Variants in GSDMC observed in about 807,000 individuals in gnomAD.
GSDMC encodes gasdermin C.
GSDMC carries 59 observed loss-of-function variants against 58.0 expected under a neutral mutation model. That is an observed-to-expected ratio of 1.02 (90% CI 0.82 to 1.26). The LOEUF is 1.26. Among genes scored for constraint, GSDMC ranks in the 50% most tolerant of loss-of-function variants. GSDMC has a pLI of 0.00. For synonymous variants in GSDMC, 241 were observed against 220.2 expected, an observed-to-expected ratio of 1.09 and a Z score of -0.83; for missense variants, 659 against 598.5, an observed-to-expected ratio of 1.10 and a Z score of -1.06.
At chr8:129,738,307 G>A in the GSDMC span, among the ~76,000 whole-genome samples, 1 of 152,036 alleles carries the variant, frequency 6.6e-6, no homozygotes, top group African/African-American at 2.4e-5. Context: ...CCCATTACTG[G>A]GTATATACCC....
At chr8:129,785,587 T>G (rs1227872596) in intron 1 of GSDMC, among the ~76,000 whole-genome samples, 1 of 151,992 alleles carries the variant, frequency 6.6e-6, no homozygotes, top group African/African-American at 2.4e-5. Flanking sequence ...ATAATTGTAT[T>G]GTTACAATTA....
At chr8:129,744,653 C>T (rs2032926299), downstream of GSDMC, among the ~76,000 whole-genome samples, 1 of 152,250 alleles carries the variant, frequency 6.6e-6, no homozygotes, top group African/African-American at 2.4e-5. Flanking sequence ...ACTCAATGCT[C>T]TGCCCTCCCA....
intron 7 of GSDMC, 26 bp downstream of exon 7, chr8:129,752,672 A>G (rs374820339): frequency 6.2e-7 from 1 of 1,613,158 alleles, no homozygotes; most frequent in African/African-American, 1.3e-5. Context: ...ACATAGAAGT[A>G]AAAATAAAGT....
At chr8:129,751,750 C>T (rs991419618) in intron 9 of GSDMC, 112 bp downstream of exon 9, 32 of 1,221,552 alleles carry the variant, frequency 2.6e-5, no homozygotes, top group Admixed American at 5.4e-5. Flanking sequence ...CATGACCAAA[C>T]GCCAGGCCCT....
intron 2 of GSDMC, 59 bp from the exon 3 acceptor site, chr8:129,776,344 T>C (rs2034227317): frequency 6.5e-6 from 9 of 1,392,154 alleles, no homozygotes; most frequent in Non-Finnish European, 8.8e-6. Context: ...AATTCAAAGG[T>C]TTAGCCAAGA....
At chr8:129,707,578 A>G in the GSDMC span, among the ~76,000 whole-genome samples, 1 of 152,236 alleles carries the variant, frequency 6.6e-6, no homozygotes, top group Non-Finnish European at 1.5e-5. Flanking sequence ...TATATAATTC[A>G]AAATTGGTAG....
the GSDMC span, among the ~76,000 whole-genome samples, chr8:129,727,493 T>C: frequency 2.0e-5 from 3 of 152,164 alleles, no homozygotes; most frequent in Non-Finnish European, 4.4e-5. Flanking sequence ...AACCTCCCTC[T>C]GTAAGTCACA....
chr8:129,727,889 G>T, the GSDMC span, among the ~76,000 whole-genome samples: 49,343 of 152,048 alleles, frequency 0.32, 11,607 homozygotes, highest in African/African-American at 0.65. Context: ...GCAGTTTTAT[G>T]TGGGCAGCAA....
downstream of GSDMC, among the ~76,000 whole-genome samples, chr8:129,743,361 C>A (rs546292804): frequency 6.6e-6 from 1 of 152,142 alleles, no homozygotes; most frequent in Non-Finnish European, 1.5e-5. Flanking sequence ...ATTCTACTAA[C>A]AAGCCTGTAC....
the GSDMC span, among the ~76,000 whole-genome samples, chr8:129,737,666 A>T: frequency 6.6e-6 from 1 of 152,244 alleles, no homozygotes; most frequent in Admixed American, 6.5e-5. Context: ...TTAATTCAAG[A>T]TGGATTAAAG....
At chr8:129,760,647 A>C in intron 5 of GSDMC, 58 bp from the exon 6 acceptor site, 1 of 505,418 alleles carries the variant, frequency 2.0e-6, no homozygotes, top group Non-Finnish European at 2.9e-6. Flanking sequence ...GCCTGAACCT[A>C]GACCAGGGAA....
the GSDMC span, among the ~76,000 whole-genome samples, chr8:129,741,915 A>AATATATATATATCTATATAT: frequency 7.9e-6 from 1 of 126,272 alleles, no homozygotes; most frequent in African/African-American, 3.6e-5. Context: ...AAGAAAATGT[A>AATATATATATATCTATATAT]ATATATATAT....
the GSDMC span, among the ~76,000 whole-genome samples, chr8:129,725,184 G>A: frequency 6.6e-6 from 1 of 152,106 alleles, no homozygotes; most frequent in Non-Finnish European, 1.5e-5. Context: ...ACTATCTGTT[G>A]GAGTACAGGC....
intron 4 of GSDMC, 129 bp from the exon 5 acceptor site, chr8:129,762,860 T>A: frequency 1.7e-6 from 1 of 598,048 alleles, no homozygotes; most frequent in Admixed American, 3.0e-5. Context: ...GACTTCTGAT[T>A]TCCAATCACT....
chr8:129,740,624 G>A, the GSDMC span, among the ~76,000 whole-genome samples: 21 of 152,068 alleles, frequency 1.4e-4, no homozygotes, highest in South Asian at 2.1e-4. Flanking sequence ...TATTGTCTAC[G>A]TTTGTGTAAG....
At position 129,767,590 on chromosome 8, in the gene GSDMC, T is replaced by C. The variant is rs941539072; in HGVS notation, c.405-1797A>G. On this transcript the variant is annotated intron_variant, in intron 3 of 13. Coordinates refer to ENST00000276708, the MANE Select transcript of GSDMC (RefSeq NM_031415.3). ...CAAACCCAGCCAATCTGGGAGTTCA[T>C]GGTGACCCTGACTGACCATGGAGCA... Among the ~76,000 whole-genome samples the C allele has an allele frequency of 2.6e-5, 4 of 152,170 alleles. No homozygotes were observed. The East Asian group carries it at 5.8e-4, about 22-fold the overall frequency.
At chr8:129,749,838 G>T in intron 12 of GSDMC, 152 bp downstream of exon 12, 1 of 655,172 alleles carries the variant, frequency 1.5e-6, no homozygotes, top group Non-Finnish European at 2.6e-6. Flanking sequence ...AGTTATCACA[G>T]TGAGCCCTCT....
rs915633900 is a variant in GSDMC at position 129,760,559 on chromosome 8, C to A, written c.707G>T (p.Arg236Ile). 8 of 1,599,498 alleles carry A rather than the reference C, an allele frequency of 5.0e-6. No homozygotes were observed. The highest frequency in any genetic ancestry group is 6.9e-6 in the Non-Finnish European group (8 of 1,167,622). Residue 236 changes from arginine to isoleucine, a missense_variant, in exon 6 of 14, where the codon AGA (arginine) becomes ATA (isoleucine). Transcript: ENST00000276708. The stretch of plus-strand genomic sequence containing the variant: ...TTGGAACTCACCATCTTGAAAGGTT[C>A]TCTGTTCATCATCATCTGAGATGAG... The part of the protein sequence containing the change: ...AILISDDDEQ[R>I]TFQDEYEISE...
chr8:129,707,703 A>T, the GSDMC span, among the ~76,000 whole-genome samples: 1 of 152,222 alleles, frequency 6.6e-6, no homozygotes, highest in African/African-American at 2.4e-5. Context: ...TATTCTACCA[A>T]TGCTTTCTAC....
Sources: gnomAD v4.1 joint callset for allele counts (sites outside exome capture counted in the v4.1 genomes callset) on GRCh38, gnomAD v4.1.1 for gene constraint, MANE v1.5 for transcripts, NCBI Gene and HGNC (gene_info 2026-07-23, HGNC 2026-07-21) for gene names.